Variants in EDA observed in about 807,000 individuals in gnomAD.
The protein encoded by EDA is ectodysplasin A, also known as ectodysplasin-A.
Under a neutral mutation model 23.6 loss-of-function variants are expected in EDA, and 2 were observed. The ratio of observed to expected loss-of-function variants is 0.08; its 90% CI spans 0.03 to 0.27. The LOEUF is 0.27. Ranked by LOEUF, EDA falls within the 10% of genes least tolerant of loss-of-function variation. The pLI, the probability that EDA is intolerant of heterozygous loss-of-function variation, is 1.00. For missense variants in EDA, 229 were observed against 324.2 expected, an observed-to-expected ratio of 0.71 and a Z score of 2.26; for synonymous variants, 131 against 132.0, an observed-to-expected ratio of 0.99 and a Z score of 0.05.
At chrX:69,900,531 G>A (rs917706221) in intron 1 of EDA, among the ~76,000 whole-genome samples, 3 of 109,670 alleles carry the variant, frequency 2.7e-5, no homozygotes, top group Non-Finnish European at 5.7e-5. Context: ...GTTAATTCAT[G>A]TAACACACTT....
chrX:69,743,169 C>T (rs1220944340), intron 1 of EDA: 1 of 111,239 alleles, frequency 9.0e-6, no homozygotes, highest in Non-Finnish European at 1.9e-5. Context: ...GTGTTTATAA[C>T]AGAATATGGC....
At chrX:69,810,226 C>G (rs1312516723) in intron 1 of EDA, among the ~76,000 whole-genome samples, 1 of 72,871 alleles carries the variant, frequency 1.4e-5, no homozygotes, top group Non-Finnish European at 2.3e-5. Flanking sequence ...CCATTGCACT[C>G]CAGCCTGGGT....
chrX:70,031,587 A>G (rs1208335452), intron 6 of EDA, among the ~76,000 whole-genome samples: 3 of 111,805 alleles, frequency 2.7e-5, no homozygotes, highest in Middle Eastern at 4.7e-3. Context: ...AAACAGCTAC[A>G]TGGGGACAGT....
intron 1 of EDA, among the ~76,000 whole-genome samples, chrX:69,759,308 C>T (rs905028072): frequency 2.5e-4 from 28 of 111,969 alleles, no homozygotes; most frequent in Non-Finnish European, 3.0e-4. Context: ...TTGTAGCAGC[C>T]TCTTGAAGGA....
intron 1 of EDA, among the ~76,000 whole-genome samples, chrX:69,731,503 G>A (rs1356679718): frequency 1.8e-5 from 2 of 109,101 alleles, no homozygotes; most frequent in African/African-American, 6.7e-5. Context: ...GTACAGTAGC[G>A]TGATCTCGGC....
At chrX:69,831,872 A>G (rs1300226639) in intron 1 of EDA, among the ~76,000 whole-genome samples, 1 of 110,964 alleles carries the variant, frequency 9.0e-6, no homozygotes, top group African/African-American at 3.3e-5. Context: ...TCCTTTGCCC[A>G]CTTTTTGATG....
chrX:69,928,249 A>G (rs1253077256), intron 1 of EDA, among the ~76,000 whole-genome samples: 1 of 111,479 alleles, frequency 9.0e-6, no homozygotes, highest in Non-Finnish European at 1.9e-5. Context: ...TGCCCATGTC[A>G]ATTCTGAAAA....
intron 1 of EDA, among the ~76,000 whole-genome samples, chrX:69,788,319 G>C (rs138794659): frequency 0.013 from 1,509 of 112,635 alleles, 17 homozygotes; most frequent in African/African-American, 0.044. Context: ...GTCCAGCTTT[G>C]TTCCATTGCT....
chrX:69,697,571 C>T (rs1333697858), intron 1 of EDA, among the ~76,000 whole-genome samples: 6 of 111,819 alleles, frequency 5.4e-5, no homozygotes, highest in Admixed American at 1.9e-4. Context: ...TGGTGTCCAT[C>T]GTGTCGTTGC....
intron 1 of EDA, among the ~76,000 whole-genome samples, chrX:69,722,272 C>T (rs960276812): frequency 9.1e-6 from 1 of 110,332 alleles, no homozygotes; most frequent in Non-Finnish European, 1.9e-5. Context: ...GTGGTGCTAT[C>T]TCTGCTCACT....
intron 1 of EDA, among the ~76,000 whole-genome samples, chrX:69,824,522 T>G (rs945305473): frequency 1.8e-5 from 2 of 110,245 alleles, no homozygotes; most frequent in Non-Finnish European, 3.8e-5. Context: ...TGTATAAGAA[T>G]GCTTGTGCTT....
At chrX:69,617,665 CTT>C in intron 1 of EDA, 1 of 315,963 alleles carries the variant, frequency 3.2e-6, no homozygotes, top group South Asian at 3.0e-5. Flanking sequence ...ATATGTGAAA[CTT>C]AGGAGAAGCA....
At position 70,035,442 on chromosome X, in the gene EDA, G is replaced by C. The variant is rs191378148; in HGVS notation, c.1009G>C (p.Glu337Gln). Reference sequence around the variant, plus strand: ...CTTCCTGCAGTGCACACGCAGCATCGAGACGGGCAAGACCAACTACAACAC... The same window carrying C: ...CTTCCTGCAGTGCACACGCAGCATCCAGACGGGCAAGACCAACTACAACAC... The part of the protein sequence containing the change: ...KPFLQCTRSI[E>Q]TGKTNYNTCY... Residue 337 changes from glutamate to glutamine, a missense_variant, in exon 8 of 8, where the codon GAG becomes CAG. This residue lies in a region of EDA where 175 missense variants were observed against 281.8 expected (regional missense o/e 0.62). Transcript: ENST00000374552. 4.1e-6 allele frequency: 5 copies of C among 1,210,606 alleles called. No individual in the cohort carries two copies. Among genetic ancestry groups the C allele is most frequent in the Non-Finnish European group, 5.6e-6 (5 of 895,202 alleles).
At chrX:70,013,471 C>G (rs1287108095) in intron 2 of EDA, among the ~76,000 whole-genome samples, 1 of 111,587 alleles carries the variant, frequency 9.0e-6, no homozygotes, top group Non-Finnish European at 1.9e-5. Flanking sequence ...AAACTGACAG[C>G]CCCTCTGCCA....
Position 69,947,701 on chromosome X carries a change from A to G in EDA, c.397-9326A>G, listed in dbSNP as rs749798793. Among the ~76,000 whole-genome samples, 10 of 112,218 alleles carry G rather than the reference A, an allele frequency of 8.9e-5. No homozygotes were observed. The East Asian group carries it at 2.8e-3, about 31-fold the overall frequency. On this transcript the variant is annotated intron_variant, in intron 1 of 7. Coordinates refer to ENST00000374552, the MANE Select transcript of EDA (RefSeq NM_001399.5). The stretch of plus-strand genomic sequence containing the variant: ...TAGTCATCCCCTCTTACCATTTTAC[A>G]TTAAGCATGACTCTGACTCTGACAA...
At chrX:69,823,067 G>C (rs1233393127) in intron 1 of EDA, among the ~76,000 whole-genome samples, 1 of 97,085 alleles carries the variant, frequency 1.0e-5, no homozygotes, top group African/African-American at 4.0e-5. Flanking sequence ...TGGTGTATAT[G>C]TGCCACATTT....
At chrX:69,712,420 C>G (rs1602323522) in intron 1 of EDA, among the ~76,000 whole-genome samples, 1 of 111,581 alleles carries the variant, frequency 9.0e-6, no homozygotes, top group Non-Finnish European at 1.9e-5. Context: ...AGACACTTCT[C>G]AAAAGAAGAC....
intron 1 of EDA, among the ~76,000 whole-genome samples, chrX:69,761,081 G>T (rs781384748): frequency 1.4e-4 from 16 of 110,811 alleles, no homozygotes; most frequent in African/African-American, 5.2e-4. Flanking sequence ...GGCTCTAAGA[G>T]TCTGGGCAAC....
In EDA at chrX:69,769,146, G is replaced by A. The variant is rs1434508194; in HGVS notation, c.396+152442G>A. Among the ~76,000 whole-genome samples the A allele has an allele frequency of 4.5e-5, 5 of 111,423 alleles. No individual in the cohort carries two copies. The East Asian group carries it at 8.4e-4, about 19-fold the overall frequency. ...ATGTTCCATGGGCAGTTGTGTACTC[G>A]TCAATGCTGAGTTGTGTGTTTTATA... On this transcript the variant is annotated intron_variant, in intron 1 of 7. Coordinates refer to ENST00000374552, the MANE Select transcript of EDA (RefSeq NM_001399.5).
Sources: allele counts gnomAD v4.1 joint callset (sites outside exome capture counted in the v4.1 genomes callset), GRCh38; gene constraint gnomAD v4.1.1; regional missense constraint gnomAD v4.1.1; transcripts MANE v1.5; gene names NCBI Gene and HGNC (gene_info 2026-07-23, HGNC 2026-07-21).